Variants in RIMS2 observed in about 807,000 individuals in gnomAD.
RIMS2 encodes the protein regulating synaptic membrane exocytosis protein 2.
Under a neutral mutation model 174.4 loss-of-function variants are expected in RIMS2, and 59 were observed. The ratio of observed to expected loss-of-function variants is 0.34; its 90% CI spans 0.27 to 0.42. RIMS2 has a LOEUF of 0.42. Ranked by LOEUF, RIMS2 falls within the 10% of genes least tolerant of loss-of-function variation. RIMS2 has a pLI of 1.00. For synonymous variants in RIMS2, 606 were observed against 572.5 expected (o/e 1.06, Z -0.84); for missense variants, 1,620 against 1,666.3 (o/e 0.97, Z 0.48).
At chr8:104,142,444 T>C (rs1316379080) in intron 19 of RIMS2, among the ~76,000 whole-genome samples, 1 of 152,124 alleles carries the variant, frequency 6.6e-6, no homozygotes, top group Non-Finnish European at 1.5e-5. Flanking sequence ...TAAATATCTT[T>C]TAAATAAGAA....
intron 19 of RIMS2, among the ~76,000 whole-genome samples, chr8:104,149,510 A>T (rs935361146): frequency 6.6e-6 from 1 of 152,214 alleles, no homozygotes; most frequent in African/African-American, 2.4e-5. Flanking sequence ...CCTACTCAGA[A>T]AAGCCACTGT....
chr8:103,655,769 T>C (rs2096523700), intron 1 of RIMS2, among the ~76,000 whole-genome samples: 1 of 152,008 alleles, frequency 6.6e-6, no homozygotes, highest in African/African-American at 2.4e-5. Flanking sequence ...GGGTGTAGTA[T>C]AGTAGATGAG....
downstream of RIMS2, chr8:104,251,876 ATC>A: frequency 9.2e-7 from 1 of 1,088,402 alleles, no homozygotes. Context: ...AAAAAAAAAA[ATC>A]ACAGGTTGCA....
intron 3 of RIMS2, among the ~76,000 whole-genome samples, chr8:103,784,325 A>G (rs1398518993): frequency 6.6e-6 from 1 of 150,472 alleles, no homozygotes; most frequent in Admixed American, 6.6e-5. Context: ...TTGGTGTTTT[A>G]GTCATGAAGT....
Position 103,999,159 on chromosome 8 carries a change from T to G in RIMS2, c.3044+9738T>G, listed in dbSNP as rs539036664. Among the ~76,000 whole-genome samples the G allele has an allele frequency of 7.2e-5, 11 of 151,894 alleles. No individual in the cohort carries two copies. In the South Asian group the frequency reaches 2.3e-3, roughly 31 times the overall value. Reference sequence around the variant, plus strand: ...GTTGTTTCTAAGTGATTTAGAGTTATGTGTGACTTCCTTCATCCCTATGAA... The same window carrying G: ...GTTGTTTCTAAGTGATTTAGAGTTAGGTGTGACTTCCTTCATCCCTATGAA... On this transcript the variant is annotated intron_variant, in intron 17 of 23. Coordinates refer to ENST00000504942, the Ensembl canonical transcript of RIMS2.
chr8:103,682,165 T>C (rs1158391883), intron 1 of RIMS2, among the ~76,000 whole-genome samples: 1 of 152,036 alleles, frequency 6.6e-6, no homozygotes, highest in Non-Finnish European at 1.5e-5. Flanking sequence ...AAATGTTAAG[T>C]AGGCGATTGA....
At chr8:103,571,630 G>T (rs1216367100) in intron 1 of RIMS2, among the ~76,000 whole-genome samples, 2 of 152,052 alleles carry the variant, frequency 1.3e-5, no homozygotes, top group Non-Finnish European at 2.9e-5. Flanking sequence ...CTATTTTTGT[G>T]ATTTATAGGC....
chr8:104,151,420 T>A (rs377281774), intron 19 of RIMS2, among the ~76,000 whole-genome samples: 1 of 152,048 alleles, frequency 6.6e-6, no homozygotes, highest in South Asian at 2.1e-4. Context: ...AATACAAAAG[T>A]TAGCCCCTCA....
At chr8:103,778,229 A>G (rs2098340561) in intron 3 of RIMS2, among the ~76,000 whole-genome samples, 1 of 152,090 alleles carries the variant, frequency 6.6e-6, no homozygotes, top group Non-Finnish European at 1.5e-5. Flanking sequence ...TAGTTGGGAT[A>G]TCCATTACCT....
intron 19 of RIMS2, among the ~76,000 whole-genome samples, chr8:104,125,705 T>C (rs914629013): frequency 1.3e-5 from 2 of 152,158 alleles, no homozygotes; most frequent in Non-Finnish European, 2.9e-5. Context: ...GTAAATCAGG[T>C]GTCTCCAGTT....
rs1051010399 is a variant in RIMS2 at position 104,148,128 on chromosome 8, A to G, written c.3335-96788A>G. ...ATTAGATAAACCTTATTATAAGAAA[A>G]CTTACAGGGCCACTCTTGAAATGGA... On this transcript the variant is annotated intron_variant, in intron 19 of 23. Transcript: ENST00000504942. Among the ~76,000 whole-genome samples the G allele has an allele frequency of 2.0e-5, 3 of 151,384 alleles. 1 individual carries two copies. Among genetic ancestry groups the G allele is most frequent in the Admixed American group, 2.0e-4 (3 of 15,222 alleles).
At chr8:104,205,813 T>C (rs569069087) in intron 19 of RIMS2, among the ~76,000 whole-genome samples, 61 of 151,900 alleles carry the variant, frequency 4.0e-4, no homozygotes, top group African/African-American at 1.4e-3. Flanking sequence ...TGGAGTGCTG[T>C]GACATGATCT....
intron 1 of RIMS2, among the ~76,000 whole-genome samples, chr8:103,547,038 A>C (rs1012687927): frequency 3.3e-5 from 5 of 152,210 alleles, no homozygotes; most frequent in Non-Finnish European, 7.3e-5. Flanking sequence ...CTCCCATGGA[A>C]AGTGTTCACA....
chr8:103,669,266 A>G (rs990066929), intron 1 of RIMS2, among the ~76,000 whole-genome samples: 3 of 152,150 alleles, frequency 2.0e-5, no homozygotes, highest in Non-Finnish European at 1.5e-5. Context: ...AACTGCCCCC[A>G]TGATTCAGTT....
chr8:103,739,045 T>C (rs2139248275), intron 2 of RIMS2, among the ~76,000 whole-genome samples: 1 of 152,304 alleles, frequency 6.6e-6, no homozygotes, highest in East Asian at 1.9e-4. Context: ...ACCCAAAGGA[T>C]TATAAATCAT....
At chr8:103,986,439 A>G (rs1462534611) in intron 16 of RIMS2, among the ~76,000 whole-genome samples, 1 of 152,202 alleles carries the variant, frequency 6.6e-6, no homozygotes, top group African/African-American at 2.4e-5. Flanking sequence ...AAGATTGGTG[A>G]CATCAATACA....
At chr8:103,668,501 T>C (rs1036714992) in intron 1 of RIMS2, among the ~76,000 whole-genome samples, 8 of 152,164 alleles carry the variant, frequency 5.3e-5, no homozygotes, top group South Asian at 2.1e-4. Flanking sequence ...AGCAGAAATA[T>C]ACCTGAAGTA....
intron 3 of RIMS2, among the ~76,000 whole-genome samples, chr8:103,881,667 G>C (rs1194656827): frequency 6.6e-6 from 1 of 151,448 alleles, no homozygotes; most frequent in Non-Finnish European, 1.5e-5. Context: ...ATACAAGCTA[G>C]AATATTTAGA....
chr8:103,714,714 A>G (rs2097348125), intron 2 of RIMS2, among the ~76,000 whole-genome samples: 1 of 152,166 alleles, frequency 6.6e-6, no homozygotes, highest in African/African-American at 2.4e-5. Flanking sequence ...GTGGAAAATA[A>G]TGATAGAATC....
Sources: gnomAD v4.1 joint callset for allele counts (sites outside exome capture counted in the v4.1 genomes callset) on GRCh38, gnomAD v4.1.1 for gene constraint, MANE v1.5 for transcripts, NCBI Gene and HGNC (gene_info 2026-07-23, HGNC 2026-07-21) for gene names.